The following SAXO4 variants were observed in gnomAD, a reference collection of about 807,000 sequenced individuals.
SAXO4 encodes the protein stabilizer of axonemal microtubules 4, also known as protein phosphatase 1 regulatory subunit 32.
At chr11:61,484,869 G>A in the SAXO4 span, 30 of 1,514,992 alleles carry the variant, frequency 2.0e-5, no homozygotes, top group Middle Eastern at 2.3e-4. Flanking sequence ...GGCCACACCC[G>A]CCTCTTCCTC....
chr11:61,485,298 G>T, the SAXO4 span: 1 of 1,585,092 alleles, frequency 6.3e-7, no homozygotes, highest in South Asian at 1.1e-5. Flanking sequence ...CGGGGCCCTG[G>T]TGGGTCAGTG....
chr11:61,490,616 C>T, the SAXO4 span: 4 of 1,570,958 alleles, frequency 2.5e-6, no homozygotes, highest in Non-Finnish European at 3.5e-6. Flanking sequence ...CACTCAGCTG[C>T]TCTGGTTGTG....
the SAXO4 span, chr11:61,487,082 C>G: frequency 6.2e-7 from 1 of 1,609,984 alleles, no homozygotes; most frequent in Non-Finnish European, 8.5e-7. Context: ...CTACACCTAG[C>G]CTCCACCCCC....
the SAXO4 span, chr11:61,485,340 C>T: frequency 3.1e-6 from 5 of 1,613,896 alleles, no homozygotes; most frequent in Non-Finnish European, 4.2e-6. Context: ...TGTTCCAGGG[C>T]CCACGCTTCA....
the SAXO4 span, chr11:61,481,823 T>C: frequency 2.8e-5 from 42 of 1,523,474 alleles, no homozygotes; most frequent in African/African-American, 4.2e-4. Flanking sequence ...ATGGGGAAAC[T>C]CCCCCTGGGG....
chr11:61,483,774 A>G, the SAXO4 span, among the ~76,000 whole-genome samples: 1 of 151,352 alleles, frequency 6.6e-6, no homozygotes, highest in Admixed American at 6.6e-5. Flanking sequence ...TCTGGCCAAC[A>G]TGGTGAAACT....
the SAXO4 span, chr11:61,482,068 C>CT: frequency 2.9e-6 from 2 of 687,698 alleles, no homozygotes; most frequent in Admixed American, 2.9e-5. Flanking sequence ...CTGCTCCCTT[C>CT]TCTGGTTCTG....
the SAXO4 span, chr11:61,485,665 A>C: frequency 8.3e-6 from 6 of 721,932 alleles, no homozygotes; most frequent in Admixed American, 2.5e-5. Context: ...TCACCCTGCC[A>C]CCCACGATCC....
chr11:61,486,291 A>C, the SAXO4 span: 3 of 1,598,960 alleles, frequency 1.9e-6, no homozygotes, highest in South Asian at 3.3e-5. Context: ...GGGAGCCACC[A>C]GGGGCCCAGG....
At chr11:61,482,271 T>A in the SAXO4 span, 1 of 1,591,738 alleles carries the variant, frequency 6.3e-7, no homozygotes, top group Non-Finnish European at 8.6e-7. Flanking sequence ...CCTGCCTGTT[T>A]TTGACCTTGG....
the SAXO4 span, chr11:61,485,229 C>T: frequency 6.1e-4 from 584 of 963,944 alleles, 1 homozygote; most frequent in Non-Finnish European, 8.5e-4. Flanking sequence ...TACTGGCCCA[C>T]ACAGGCTTCC....
At chr11:61,485,855 T>A in the SAXO4 span, 1 of 1,613,926 alleles carries the variant, frequency 6.2e-7, no homozygotes, top group South Asian at 1.1e-5. Flanking sequence ...CACCAAACAG[T>A]CCCACCAGAG....
At chr11:61,482,206 C>G in the SAXO4 span, 4 of 1,016,664 alleles carry the variant, frequency 3.9e-6, no homozygotes, top group Admixed American at 7.5e-5. Flanking sequence ...CTGAGCCCTC[C>G]CCTGTCACTG....
chr11:61,490,635 C>G, the SAXO4 span: 1 of 1,493,634 alleles, frequency 6.7e-7, no homozygotes. Flanking sequence ...TGTGGGCAAC[C>G]GTTATGGGCC....
chr11:61,485,955 C>T, the SAXO4 span: 1 of 1,345,876 alleles, frequency 7.4e-7, no homozygotes, highest in Non-Finnish European at 1.1e-6. Context: ...GGGCTTGAAG[C>T]CCTCCAGTCT....
At chr11:61,487,977 T>C in the SAXO4 span, among the ~76,000 whole-genome samples, 1 of 150,322 alleles carries the variant, frequency 6.7e-6, no homozygotes, top group South Asian at 2.1e-4. Flanking sequence ...GGAAGTGTAA[T>C]TCTTCTTCTT....
At chr11:61,484,545 G>A in the SAXO4 span, 3 of 1,078,810 alleles carry the variant, frequency 2.8e-6, no homozygotes, top group Non-Finnish European at 2.7e-6. Context: ...GCTCTAAGCA[G>A]AGAGGGGACA....
chr11:61,485,664 C>A, the SAXO4 span: 1 of 717,768 alleles, frequency 1.4e-6, no homozygotes, highest in Non-Finnish European at 2.4e-6. Context: ...CTCACCCTGC[C>A]ACCCACGATC....
chr11:61,482,238 G>T, the SAXO4 span: 1 of 1,380,392 alleles, frequency 7.2e-7, no homozygotes. Flanking sequence ...CCCCTCGGAG[G>T]ACGCTGGCCC....
Sources: allele counts gnomAD v4.1 joint callset (sites outside exome capture counted in the v4.1 genomes callset), GRCh38; gene constraint gnomAD v4.1.1; transcripts MANE v1.5; gene names NCBI Gene and HGNC (gene_info 2026-07-23, HGNC 2026-07-21).